TCF7L2: variants seen among roughly 807,000 people sequenced by gnomAD.
The protein encoded by TCF7L2 is transcription factor 7 like 2.
TCF7L2 carries 23 observed loss-of-function variants against 77.9 expected under a neutral mutation model. The observed-to-expected ratio is 0.30, with a 90% CI of 0.21 to 0.42. TCF7L2 has a LOEUF of 0.42. Ranked by LOEUF, TCF7L2 falls within the 10% of genes least tolerant of loss-of-function variation. The probability of loss-of-function intolerance (pLI) is 1.00; values close to 1 mark genes in which losing one functional copy is unlikely to be tolerated. For missense variants in TCF7L2, 654 were observed against 793.1 expected (o/e 0.82, Z 2.11); for synonymous variants, 413 against 340.2 (o/e 1.21, Z -2.36).
intron 4 of TCF7L2, among the ~76,000 whole-genome samples, chr10:113,016,885 T>C (rs922674588): frequency 3.3e-5 from 5 of 152,168 alleles, no homozygotes; most frequent in African/African-American, 4.8e-5. Context: ...CACTCTCGTG[T>C]GCCCCTGGCA....
At chr10:113,026,905 T>C (rs2049283521) in intron 4 of TCF7L2, among the ~76,000 whole-genome samples, 1 of 152,222 alleles carries the variant, frequency 6.6e-6, no homozygotes. Flanking sequence ...ATTTTGCCTG[T>C]CTAGATGACA....
chr10:113,017,504 C>A (rs989208146), intron 4 of TCF7L2, among the ~76,000 whole-genome samples: 1 of 152,220 alleles, frequency 6.6e-6, no homozygotes, highest in Admixed American at 6.5e-5. Context: ...AATACAAATT[C>A]TTGGGGGAAC....
chr10:112,982,025 T>A lies in TCF7L2; in HGVS notation c.450+17401T>A, dbSNP rs144742825. On this transcript the variant is annotated intron_variant, in intron 4 of 13. Transcript: ENST00000627217. The stretch of plus-strand genomic sequence containing the variant: ...CTTATCCCTCTGTCTTTGCTTCTTA[T>A]GTAATACGTCTGTGGACTATTTTGG... 4.5e-3 allele frequency among the ~76,000 whole-genome samples: 691 copies of A among 152,352 alleles called. 9 individuals carry two copies. The highest frequency in any genetic ancestry group is 0.026 in the South Asian group (128 of 4,832).
At chr10:113,152,018 T>G (rs1340241842) in intron 10 of TCF7L2, 134 bp downstream of exon 10, 12 of 1,260,922 alleles carry the variant, frequency 9.5e-6, no homozygotes, top group African/African-American at 1.5e-5. Flanking sequence ...TCTGAATCCT[T>G]GAATGGCCTT....
intron 5 of TCF7L2, 143 bp from the exon 6 acceptor site, chr10:113,141,040 GA>G: frequency 3.3e-6 from 3 of 919,092 alleles, no homozygotes; most frequent in East Asian, 5.0e-5. Flanking sequence ...GGACTGGGGG[GA>G]GTATGGGATG....
rs567318587 is a variant in TCF7L2, at chr10:113,081,302, C to T, written c.552+41176C>T. Among the ~76,000 whole-genome samples the T allele has an allele frequency of 9.8e-5, 15 of 152,362 alleles. No individual in the cohort carries two copies. The South Asian group carries it at 3.1e-3, about 32-fold the overall frequency. On this transcript the variant is annotated intron_variant, in intron 5 of 13. Transcript: ENST00000627217. ...CCAGTAATGTTTACAGCACACAACA[C>T]GCACCAATACTACTTCCCAAAGGCT...
intron 4 of TCF7L2, among the ~76,000 whole-genome samples, chr10:113,001,726 CGTT>C (rs1232132836): frequency 1.3e-5 from 2 of 152,262 alleles, no homozygotes; most frequent in South Asian, 2.1e-4. Context: ...TGATCATACT[CGTT>C]GTTTACACGA....
chr10:113,003,744 GAGGTCCCAC>G (rs1442751078), intron 4 of TCF7L2, among the ~76,000 whole-genome samples: 1 of 152,182 alleles, frequency 6.6e-6, no homozygotes, highest in African/African-American at 2.4e-5. Flanking sequence ...GAACTTGCTT[GAGGTCCCAC>G]AGGCAGCGAG....
Position 112,964,535 on chromosome 10 carries a change from TGATTTGG to T in TCF7L2, c.382-20_382-14del. On this transcript the variant is annotated splice_polypyrimidine_tract_variant and intron_variant, in intron 3 of 13. Transcript: ENST00000627217. Reference sequence around the variant, plus strand: ...AGTTTGTGACATAAGCAGAACGCTTTGATTTGGTTTCTTTCTACAGCTCCATTTTCAG... The same window carrying T: ...AGTTTGTGACATAAGCAGAACGCTTTTTTCTTTCTACAGCTCCATTTTCAG... 6.2e-7 allele frequency: 1 copy of T among 1,611,210 alleles called. No individual in the cohort carries two copies. The highest frequency in any genetic ancestry group is 8.5e-7 in the Non-Finnish European group (1 of 1,177,734).
intron 5 of TCF7L2, among the ~76,000 whole-genome samples, chr10:113,107,748 C>G (rs1162371514): frequency 2.6e-5 from 1 of 38,934 alleles, no homozygotes; most frequent in African/African-American, 7.1e-5. Context: ...AGCGAGACTC[C>G]GTCTAAAAAA....
intron 4 of TCF7L2, among the ~76,000 whole-genome samples, chr10:112,966,182 A>ATT (rs1285425937): frequency 8.1e-4 from 33 of 40,944 alleles, no homozygotes; most frequent in Middle Eastern, 0.014. Flanking sequence ...TCTAAAATAT[A>ATT]TTTATATATA....
intron 4 of TCF7L2, among the ~76,000 whole-genome samples, chr10:113,007,101 G>A (rs1029558019): frequency 6.6e-6 from 1 of 152,252 alleles, no homozygotes. Context: ...GTTAACAAAT[G>A]CTTTCTTCCT....
chr10:113,095,133 C>A (rs960785528), intron 5 of TCF7L2, among the ~76,000 whole-genome samples: 8 of 151,986 alleles, frequency 5.3e-5, no homozygotes, highest in East Asian at 1.9e-4. Context: ...AACAAAAAAC[C>A]AAAAAACAAA....
chr10:113,072,464 C>CCAGCCT (rs1471567513), intron 5 of TCF7L2, among the ~76,000 whole-genome samples: 1 of 152,174 alleles, frequency 6.6e-6, no homozygotes, highest in African/African-American at 2.4e-5. Flanking sequence ...AAGCGATTCT[C>CCAGCCT]CAGCCTCAGC....
intron 5 of TCF7L2, among the ~76,000 whole-genome samples, chr10:113,115,644 A>G (rs931816777): frequency 6.6e-6 from 1 of 152,138 alleles, no homozygotes; most frequent in Admixed American, 6.6e-5. Flanking sequence ...GTTGAAATGG[A>G]AGGCTGAAGT....
chr10:112,966,650 G>A (rs1184125696), intron 4 of TCF7L2, among the ~76,000 whole-genome samples: 1 of 152,216 alleles, frequency 6.6e-6, no homozygotes, highest in African/African-American at 2.4e-5. Context: ...CTGGGGCCAT[G>A]TCACTGGGAG....
chr10:112,959,395 T>C (rs2034492345), intron 3 of TCF7L2, among the ~76,000 whole-genome samples: 1 of 152,228 alleles, frequency 6.6e-6, no homozygotes, highest in African/African-American at 2.4e-5. Context: ...CTCTGACTCA[T>C]AGCTGATGGT....
Position 113,000,831 on chromosome 10 carries a change from C to T in TCF7L2, c.450+36207C>T, listed in dbSNP as rs116712194. ...CTGCACTATTCCAGTCGGACAGGCA[C>T]CTTAATTTTTCTCTTTCTGGGTGTT... On this transcript the variant is annotated intron_variant, in intron 4 of 13. Coordinates refer to ENST00000627217, the MANE Select transcript of TCF7L2 (RefSeq NM_001146274.2). Among the ~76,000 whole-genome samples the T allele has an allele frequency of 8.2e-3, 1,255 of 152,282 alleles. 15 individuals carry two copies. Among genetic ancestry groups the T allele is most frequent in the African/African-American group, 0.028 (1,176 of 41,550 alleles).
chr10:113,065,820 G>A (rs928082359), intron 5 of TCF7L2, among the ~76,000 whole-genome samples: 1 of 152,136 alleles, frequency 6.6e-6, no homozygotes, highest in Non-Finnish European at 1.5e-5. Flanking sequence ...GTGGTCTGAG[G>A]GATATAGAAT....
Sources: gnomAD v4.1 joint callset for allele counts (sites outside exome capture counted in the v4.1 genomes callset) on GRCh38, gnomAD v4.1.1 for gene constraint, MANE v1.5 for transcripts, NCBI Gene and HGNC (gene_info 2026-07-23, HGNC 2026-07-21) for gene names.